WDFY3: variants seen among roughly 807,000 people sequenced by gnomAD.
WDFY3 encodes the protein WD repeat and FYVE domain containing 3.
Under a neutral mutation model 409.6 loss-of-function variants are expected in WDFY3, and 66 were observed. That is an observed-to-expected ratio of 0.16 (90% CI 0.13 to 0.20). The LOEUF (loss-of-function observed/expected upper bound fraction) is 0.20. Ranked by LOEUF, WDFY3 falls within the 10% of genes least tolerant of loss-of-function variation. WDFY3 has a pLI of 1.00. For missense variants in WDFY3, 3,031 were observed against 4,298.1 expected, an observed-to-expected ratio of 0.71 and a Z score of 8.24; for synonymous variants, 1,521 against 1,537.1, an observed-to-expected ratio of 0.99 and a Z score of 0.25.
intron 2 of WDFY3, among the ~76,000 whole-genome samples, chr4:84,927,572 T>C (rs1481197549): frequency 6.6e-6 from 1 of 152,202 alleles, no homozygotes; most frequent in Non-Finnish European, 1.5e-5. Flanking sequence ...GTAATCCCCA[T>C]AATCCCCATG....
intron 3 of WDFY3, among the ~76,000 whole-genome samples, chr4:84,885,888 T>C (rs1322116715): frequency 6.6e-6 from 1 of 152,142 alleles, no homozygotes; most frequent in South Asian, 2.1e-4. Flanking sequence ...TCTGAAGAAA[T>C]TCTCTCATTG....
chr4:84,726,943 A>AG (rs1735757048), intron 44 of WDFY3, 32 bp from the exon 45 acceptor site: 1 of 1,555,224 alleles, frequency 6.4e-7, no homozygotes, highest in Non-Finnish European at 8.7e-7. Flanking sequence ...TAGACATATC[A>AG]GAAAAAAAAA....
intron 61 of WDFY3, among the ~76,000 whole-genome samples, 195 bp from the exon 62 acceptor site, chr4:84,688,460 C>T (rs908807190): frequency 3.9e-5 from 6 of 152,080 alleles, no homozygotes; most frequent in Non-Finnish European, 7.4e-5. Flanking sequence ...CCTCAGCCCA[C>T]GGGGGTAGAG....
chr4:84,897,342 A>G (rs1029550639), intron 2 of WDFY3, among the ~76,000 whole-genome samples: 1 of 152,162 alleles, frequency 6.6e-6, no homozygotes, highest in Non-Finnish European at 1.5e-5. Flanking sequence ...TTGTTGCTAA[A>G]TAACGTATGA....
intron 2 of WDFY3, among the ~76,000 whole-genome samples, chr4:84,925,860 T>C (rs1769907612): frequency 6.6e-6 from 1 of 152,046 alleles, no homozygotes. Flanking sequence ...CACAAGAATA[T>C]ATGTGGCAAA....
chr4:84,876,655 C>A (rs924003971), intron 3 of WDFY3, among the ~76,000 whole-genome samples: 4 of 151,304 alleles, frequency 2.6e-5, no homozygotes, highest in Non-Finnish European at 5.9e-5. Context: ...ATCCTTAGTT[C>A]ATAGTAAGTG....
chr4:84,670,998 T>G lies in WDFY3; in HGVS notation c.*1870A>C, dbSNP rs1725366343. ...ATATTTGAACTTTTAGAAATGGAAG[T>G]GTTTTAATCAATTTTGATATGTAAT... On this transcript the variant is annotated 3_prime_UTR_variant, in exon 68 of 68. Transcript: ENST00000295888. 1 of 152,606 alleles carries G rather than the reference T, an allele frequency of 6.6e-6. No homozygotes were observed. Among genetic ancestry groups the G allele is most frequent in the South Asian group, 2.1e-4 (1 of 4,838 alleles). The allele number at this position is 152,606 out of a possible 1,614,324, so 9.5% of individuals were successfully genotyped here.
intron 24 of WDFY3, 90 bp downstream of exon 24, chr4:84,785,889 C>A: frequency 1.4e-6 from 2 of 1,443,520 alleles, no homozygotes; most frequent in Non-Finnish European, 1.9e-6. Context: ...TTTTAGCAGT[C>A]ACTCATAATT....
chr4:84,897,213 A>G (rs947212778), intron 2 of WDFY3, among the ~76,000 whole-genome samples: 3 of 152,142 alleles, frequency 2.0e-5, no homozygotes, highest in African/African-American at 4.8e-5. Context: ...CTGGGGCTAG[A>G]GCCTGGGCAG....
intron 11 of WDFY3, among the ~76,000 whole-genome samples, chr4:84,820,509 T>C (rs1178472640): frequency 6.6e-6 from 1 of 152,078 alleles, no homozygotes; most frequent in African/African-American, 2.4e-5. Flanking sequence ...CGCTAGATTT[T>C]GATACACCAA....
intron 3 of WDFY3, among the ~76,000 whole-genome samples, chr4:84,883,133 CA>C (rs1380031135): frequency 3.9e-5 from 6 of 151,980 alleles, no homozygotes; most frequent in Admixed American, 3.3e-4. Context: ...AAAAGGAGAG[CA>C]AAAAACTATG....
In WDFY3 at chr4:84,691,701, G is replaced by T. The variant is rs1729287990; in HGVS notation, c.9134C>A (p.Thr3045Asn). 7.4e-6 allele frequency: 12 copies of T among 1,614,100 alleles called. No individual in the cohort carries two copies. The highest frequency in any genetic ancestry group is 1.0e-5 in the Non-Finnish European group (12 of 1,180,000). Reference sequence around the variant, plus strand: ...GCCCCAAGCAAAAGTTTTATTCCAGGTTGGTGGGATAAGAACCTTATTCTG... The same window carrying T: ...GCCCCAAGCAAAAGTTTTATTCCAGTTTGGTGGGATAAGAACCTTATTCTG... ...VEQNKVLIPP[T>N]WNKTFAWGYA... Residue 3045 changes from threonine to asparagine, a missense_variant, in exon 60 of 68, where the codon ACC (threonine) becomes AAC (asparagine). This residue lies in a region of WDFY3 where 152 missense variants were observed against 193.5 expected (regional missense o/e 0.79). Transcript: ENST00000295888.
intron 1 of WDFY3, among the ~76,000 whole-genome samples, chr4:84,948,796 T>C (rs1193194599): frequency 6.6e-6 from 1 of 152,202 alleles, no homozygotes; most frequent in Non-Finnish European, 1.5e-5. Flanking sequence ...TTCCTAGGAC[T>C]GAGCAGTCTA....
At chr4:84,800,195 A>G (rs1578576274) in intron 17 of WDFY3, among the ~76,000 whole-genome samples, 1 of 152,226 alleles carries the variant, frequency 6.6e-6, no homozygotes, top group East Asian at 1.9e-4. Flanking sequence ...TTACTGCATA[A>G]AAGTTTCTTA....
rs1047404494 is a variant in WDFY3, at chr4:84,713,314, G to A, written c.7962-75C>T. ...TCTAATGGGAAGCCTAAGAAAGGAC[G>A]ATTCGTTTAGATTTTCATAGTTGCG... On this transcript the variant is annotated intron_variant, in intron 50 of 67. Transcript: ENST00000295888. 10 of 1,317,182 alleles carry A rather than the reference G, an allele frequency of 7.6e-6. No homozygotes were observed. In the East Asian group the frequency reaches 9.2e-5, roughly 12 times the overall value. The allele number at this position is 1,317,182 out of a possible 1,614,324, so 81.6% of individuals were successfully genotyped here.
intron 36 of WDFY3, among the ~76,000 whole-genome samples, chr4:84,747,443 C>T (rs1264622831): frequency 6.6e-6 from 1 of 152,028 alleles, no homozygotes; most frequent in Non-Finnish European, 1.5e-5. Context: ...TTGTTTTTTG[C>T]TTGTTTCCCT....
At position 84,709,347 on chromosome 4, in the gene WDFY3, T is replaced by C; in HGVS notation, c.8043A>G (p.Gly2681=). The C allele has an allele frequency of 6.2e-7, 1 of 1,607,006 alleles. No individual in the cohort carries two copies. Among genetic ancestry groups the C allele is most frequent in the East Asian group, 2.2e-5 (1 of 44,738 alleles). Reference sequence around the variant, plus strand: ...CAACCAAAGTGCTAAGTAACCCAGATCTAAAAGCAATACATAATACAATAA... The same window carrying C: ...CAACCAAAGTGCTAAGTAACCCAGACCTAAAAGCAATACATAATACAATAA... ...GQRPNTSVEQ[G]SGLLSTLVGE... The change falls in exon 52 of 68, where the codon GGA becomes GGG. Residue 2681 remains glycine, a splice_region_variant and synonymous_variant. Coordinates refer to ENST00000295888, the MANE Select transcript of WDFY3 (RefSeq NM_014991.6).
intron 58 of WDFY3, among the ~76,000 whole-genome samples, chr4:84,693,943 T>C (rs1213180518): frequency 2.6e-5 from 4 of 151,868 alleles, no homozygotes; most frequent in African/African-American, 7.3e-5. Context: ...TTTTCAATTA[T>C]TGTAAATCTT....
rs933310142 is a variant in WDFY3, at chr4:84,679,131, C to T, written c.9935G>A (p.Arg3312Gln). The change falls in exon 65 of 68, where the codon CGG becomes CAG. Residue 3312 changes from arginine to glutamine, a missense_variant. By Grantham distance (43) the Arg-to-Gln change is conservative (BLOSUM62 1). Around this residue, in one of 16 missense-constraint regions of WDFY3, gnomAD observed 378 missense variants for 477.3 expected, o/e 0.79. Coordinates refer to ENST00000295888, the MANE Select transcript of WDFY3 (RefSeq NM_014991.6). Reference sequence around the variant, plus strand: ...GGCTGTTGCGCGGCAGGAGGCTGCCCGGGGCCTGTGGCTGGTGCTGCTGGG... The same window carrying T: ...GGCTGTTGCGCGGCAGGAGGCTGCCTGGGGCCTGTGGCTGGTGCTGCTGGG... ...SQPSSTSHRP[R>Q]AASCRATAAW... 7.4e-6 allele frequency: 12 copies of T among 1,614,138 alleles called. No homozygotes were observed. The highest frequency in any genetic ancestry group is 9.3e-6 in the Non-Finnish European group (11 of 1,180,020).
Sources: gnomAD v4.1 joint callset for allele counts (sites outside exome capture counted in the v4.1 genomes callset) on GRCh38, gnomAD v4.1.1 for gene constraint, gnomAD v4.1.1 regional missense constraint, MANE v1.5 for transcripts, NCBI Gene and HGNC (gene_info 2026-07-23, HGNC 2026-07-21) for gene names.